Variants in RGS6 observed in about 807,000 individuals in gnomAD.
RGS6 encodes the protein regulator of G protein signaling 6, also known as regulator of G-protein signaling 6.
A neutral mutation model predicts 78.5 loss-of-function variants in RGS6; 30 were observed. That is an observed-to-expected ratio of 0.38 (90% CI 0.29 to 0.52). RGS6 has a LOEUF of 0.52. Ranked by LOEUF, RGS6 falls within the 20% of genes least tolerant of loss-of-function variation. The pLI, the probability that RGS6 is intolerant of heterozygous loss-of-function variation, is 0.85. For synonymous variants in RGS6, 206 were observed against 206.0 expected, an observed-to-expected ratio of 1.00 and a Z score of 0.00; for missense variants, 495 against 609.7, an observed-to-expected ratio of 0.81 and a Z score of 1.98.
At chr14:72,225,586 C>T (rs113802955) in intron 2 of RGS6, among the ~76,000 whole-genome samples, 8 of 152,144 alleles carry the variant, frequency 5.3e-5, no homozygotes, top group African/African-American at 9.7e-5. Flanking sequence ...GCCTCAGACT[C>T]CTAAAGTGTC....
intron 2 of RGS6, among the ~76,000 whole-genome samples, chr14:72,235,302 A>G (rs751860300): frequency 7.9e-5 from 12 of 152,308 alleles, no homozygotes; most frequent in Admixed American, 6.5e-4. Flanking sequence ...AGCCAAAATG[A>G]AAATCAGACA....
intron 2 of RGS6, among the ~76,000 whole-genome samples, chr14:72,118,794 G>A (rs924417308): frequency 6.6e-6 from 1 of 152,176 alleles, no homozygotes; most frequent in Admixed American, 6.6e-5. Context: ...GCAGGAAAAT[G>A]TTACACTTTT....
At chr14:72,372,602 G>A (rs1596378710) in intron 3 of RGS6, among the ~76,000 whole-genome samples, 1 of 152,182 alleles carries the variant, frequency 6.6e-6, no homozygotes, top group East Asian at 1.9e-4. Context: ...TTCTAGGTTG[G>A]GTGTAGGGTA....
At chr14:72,412,851 G>T (rs1433226177) in intron 3 of RGS6, among the ~76,000 whole-genome samples, 1 of 152,130 alleles carries the variant, frequency 6.6e-6, no homozygotes, top group Non-Finnish European at 1.5e-5. Context: ...GGAGCAGGTT[G>T]TTCAGTTTCC....
the RGS6 span, among the ~76,000 whole-genome samples, chr14:71,889,080 A>G: frequency 1.3e-4 from 20 of 152,118 alleles, no homozygotes; most frequent in Admixed American, 1.2e-3. Context: ...CAAATGAATA[A>G]TGACACAGTG....
chr14:72,001,012 G>C (rs1166833203), intron 2 of RGS6, among the ~76,000 whole-genome samples: 2 of 152,214 alleles, frequency 1.3e-5, no homozygotes, highest in Non-Finnish European at 2.9e-5. Context: ...CAAGTTGAAA[G>C]AGGAACACCC....
chr14:71,986,621 G>C (rs779670648), intron 2 of RGS6, among the ~76,000 whole-genome samples: 4 of 152,114 alleles, frequency 2.6e-5, no homozygotes, highest in Admixed American at 6.5e-5. Context: ...GAAGTGGGAG[G>C]ATCACCTGAG....
the RGS6 span, among the ~76,000 whole-genome samples, chr14:72,596,200 T>C: frequency 6.6e-6 from 1 of 152,150 alleles, no homozygotes; most frequent in Non-Finnish European, 1.5e-5. Flanking sequence ...AAAATCCACT[T>C]TCTTGCCTTT....
intron 3 of RGS6, among the ~76,000 whole-genome samples, chr14:72,450,638 G>A (rs1180227863): frequency 2.6e-5 from 4 of 152,130 alleles, no homozygotes. Flanking sequence ...TTAACTTTAA[G>A]TCCTTGGCAA....
chr14:72,345,338 G>T (rs578188457), intron 2 of RGS6, among the ~76,000 whole-genome samples: 2 of 152,308 alleles, frequency 1.3e-5, no homozygotes, highest in African/African-American at 4.8e-5. Context: ...TTTGGAGATT[G>T]GATTTTTTTG....
intron 17 of RGS6, chr14:72,541,342 C>T: frequency 7.4e-7 from 1 of 1,347,146 alleles, no homozygotes; most frequent in East Asian, 2.5e-5. Context: ...TGCATTTAAA[C>T]ATTATCTTGA....
At chr14:72,560,517 C>G (rs1457773534) in intron 17 of RGS6, among the ~76,000 whole-genome samples, 1 of 152,136 alleles carries the variant, frequency 6.6e-6, no homozygotes, top group Non-Finnish European at 1.5e-5. Context: ...AAAGGGCACT[C>G]AAGGAGAGTC....
the RGS6 span, among the ~76,000 whole-genome samples, chr14:71,914,279 G>C: frequency 6.6e-6 from 1 of 152,198 alleles, no homozygotes; most frequent in East Asian, 1.9e-4. Flanking sequence ...AACTTTTTTG[G>C]CCATGGTTCA....
Position 72,003,196 on chromosome 14 carries a change from C to G in RGS6, c.84+38321C>G, listed in dbSNP as rs113704765. The stretch of plus-strand genomic sequence containing the variant: ...CTGCGGCTACTATTTTACTTACCCA[C>G]TGGCCACCAGGTACTCACACTGCAG... On this transcript the variant is annotated intron_variant, in intron 2 of 17. Transcript: ENST00000553525. Among the ~76,000 whole-genome samples the G allele has an allele frequency of 4.7e-3, 714 of 152,306 alleles. 8 individuals are homozygous for G. The highest frequency in any genetic ancestry group is 0.017 in the African/African-American group (690 of 41,572).
At chr14:72,400,776 C>G (rs2092297012) in intron 3 of RGS6, among the ~76,000 whole-genome samples, 1 of 152,204 alleles carries the variant, frequency 6.6e-6, no homozygotes, top group Non-Finnish European at 1.5e-5. Context: ...CCGTCGCTGA[C>G]AGCCCATCCT....
At position 72,234,417 on chromosome 14, in the gene RGS6, G is replaced by GA. The variant is rs141834761; in HGVS notation, c.85-117668dup. Among the ~76,000 whole-genome samples, 704 of 147,186 alleles carry GA rather than the reference G, an allele frequency of 4.8e-3. 12 individuals carry two copies. The East Asian group carries it at 0.051, about 11-fold the overall frequency. On this transcript the variant is annotated intron_variant, in intron 2 of 17. Coordinates refer to ENST00000553525, the MANE Select transcript of RGS6 (RefSeq NM_001204424.2). ...ATGCCAGCTGCTTATTTTGTGAGAA[G>GA]AAAAAAAAAACAATTCTGTGAACCA...
chr14:72,216,076 A>G (rs2045489654), intron 2 of RGS6, among the ~76,000 whole-genome samples: 1 of 152,222 alleles, frequency 6.6e-6, no homozygotes, highest in African/African-American at 2.4e-5. Context: ...TGTCCACTCT[A>G]TCATCTAAAG....
At chr14:72,234,559 G>C (rs1404683814) in intron 2 of RGS6, among the ~76,000 whole-genome samples, 1 of 152,112 alleles carries the variant, frequency 6.6e-6, no homozygotes, top group Non-Finnish European at 1.5e-5. Flanking sequence ...GTGAGGATAG[G>C]ACACCTTACT....
Position 72,221,905 on chromosome 14 carries a change from A to T in RGS6, c.85-130190A>T, listed in dbSNP as rs571644336. 1.6e-4 allele frequency among the ~76,000 whole-genome samples: 24 copies of T among 152,316 alleles called. 1 individual carries two copies. In the South Asian group the frequency reaches 5.0e-3, roughly 32 times the overall value. On this transcript the variant is annotated intron_variant, in intron 2 of 17. Coordinates refer to ENST00000553525, the MANE Select transcript of RGS6 (RefSeq NM_001204424.2). ...CCCACTTGTTTGCAGCTCCATGGGAAGAAGTGCTAAGAAGAAAAAAGGAGA... is the reference window on the plus strand; with the variant it reads ...CCCACTTGTTTGCAGCTCCATGGGATGAAGTGCTAAGAAGAAAAAAGGAGA...
Sources: allele counts gnomAD v4.1 joint callset (sites outside exome capture counted in the v4.1 genomes callset), GRCh38; gene constraint gnomAD v4.1.1; transcripts MANE v1.5; gene names NCBI Gene and HGNC (gene_info 2026-07-23, HGNC 2026-07-21).